PRKCH: variants seen among roughly 807,000 people sequenced by gnomAD.
PRKCH encodes protein kinase C eta, also known as protein kinase C eta type.
A neutral mutation model predicts 82.5 loss-of-function variants in PRKCH; 28 were observed. That is an observed-to-expected ratio of 0.34 (90% CI 0.25 to 0.47). The LOEUF is 0.47. PRKCH is among the 20% of genes least tolerant of loss of function. The probability of loss-of-function intolerance (pLI) is 1.00; values close to 1 mark genes in which losing one functional copy is unlikely to be tolerated. For missense variants in PRKCH, 705 were observed against 881.8 expected (o/e 0.80, Z 2.54); for synonymous variants, 322 against 327.4 (o/e 0.98, Z 0.18).
At chr14:61,192,634 A>G (rs750346319) in intron 1 of PRKCH, among the ~76,000 whole-genome samples, 5 of 152,212 alleles carry the variant, frequency 3.3e-5, no homozygotes, top group East Asian at 3.8e-4. Context: ...GGGTGCTTTC[A>G]GAAGGGCTTC....
chr14:61,407,685 A>G (rs1409845830), intron 2 of PRKCH, among the ~76,000 whole-genome samples: 6 of 151,956 alleles, frequency 3.9e-5, no homozygotes, highest in African/African-American at 1.2e-4. Context: ...TTTAATTCCT[A>G]CATTCTTGGT....
In PRKCH at chr14:61,280,812, G is replaced by A. The variant is rs768490902; in HGVS notation, c.-19+93144G>A. 3 of 1,563,312 alleles carry A rather than the reference G, an allele frequency of 1.9e-6. No homozygotes were observed. The highest frequency in any genetic ancestry group is 2.6e-6 in the Non-Finnish European group (3 of 1,163,654). On this transcript the variant is annotated intron_variant, in intron 1 of 3. Coordinates refer to the PRKCH transcript ENST00000555185. The surrounding 1 kb of genome is among the most constrained non-coding windows in gnomAD (Gnocchi z 5.0). ...TGTTCTGGTAGAAGTTGGTCAGCTC[G>A]TAGTAGAGGTACACTGGGCCCTGGA...
At chr14:61,370,868 C>A (rs894757442) in intron 1 of PRKCH, among the ~76,000 whole-genome samples, 2 of 151,958 alleles carry the variant, frequency 1.3e-5, no homozygotes, top group Non-Finnish European at 2.9e-5. Flanking sequence ...GTGGATAACA[C>A]CAAACACTGC....
chr14:61,397,875 T>A (rs1189607414), intron 2 of PRKCH, among the ~76,000 whole-genome samples: 1 of 152,142 alleles, frequency 6.6e-6, no homozygotes, highest in Non-Finnish European at 1.5e-5. Flanking sequence ...ATGAACCTAC[T>A]CAAAACCTGC....
intron 1 of PRKCH, among the ~76,000 whole-genome samples, chr14:61,241,828 T>C (rs1488879412): frequency 6.6e-6 from 1 of 152,214 alleles, no homozygotes; most frequent in Non-Finnish European, 1.5e-5. Context: ...GTATCTACTC[T>C]GTGGACTTAG....
chr14:61,532,726 G>A (rs1165121320), intron 12 of PRKCH, among the ~76,000 whole-genome samples: 1 of 152,170 alleles, frequency 6.6e-6, no homozygotes, highest in African/African-American at 2.4e-5. Context: ...TTGGTAACGA[G>A]CAGATACACT....
chr14:61,462,180 C>CT (rs1185187561), intron 9 of PRKCH, among the ~76,000 whole-genome samples: 2 of 152,138 alleles, frequency 1.3e-5, no homozygotes, highest in Non-Finnish European at 2.9e-5. Context: ...TCACTTGAGC[C>CT]TAAGTGTTTG....
intron 10 of PRKCH, among the ~76,000 whole-genome samples, chr14:61,512,928 C>CA (rs150602795): frequency 0.088 from 13,397 of 151,992 alleles, 1,122 homozygotes; most frequent in African/African-American, 0.22. Context: ...GTGATCCTTC[C>CA]ACCTCAGTCT....
At chr14:61,309,249 T>G (rs1235021429) in intron 1 of PRKCH, among the ~76,000 whole-genome samples, 1 of 152,090 alleles carries the variant, frequency 6.6e-6, no homozygotes, top group African/African-American at 2.4e-5. Flanking sequence ...GCCGGTGCAC[T>G]CCAACCTAGC....
chr14:61,371,444 A>G (rs2046363407), intron 1 of PRKCH, among the ~76,000 whole-genome samples: 1 of 152,074 alleles, frequency 6.6e-6, no homozygotes, highest in South Asian at 2.1e-4. Context: ...AGTCTGTGAC[A>G]GTTTCTCAGA....
intron 1 of PRKCH, among the ~76,000 whole-genome samples, chr14:61,191,631 C>T (rs1462989122): frequency 6.6e-6 from 1 of 151,508 alleles, no homozygotes; most frequent in Non-Finnish European, 1.5e-5. Context: ...TGAGATGGAG[C>T]CACTGCACTG....
intron 1 of PRKCH, among the ~76,000 whole-genome samples, chr14:61,387,215 C>T (rs758160758): frequency 3.2e-4 from 48 of 152,144 alleles, no homozygotes; most frequent in Non-Finnish European, 6.6e-4. Flanking sequence ...ATGCTGATAC[C>T]GGGTAGGGAG....
chr14:61,370,286 T>C (rs2140172188), intron 1 of PRKCH, among the ~76,000 whole-genome samples: 1 of 152,248 alleles, frequency 6.6e-6, no homozygotes, highest in Middle Eastern at 3.4e-3. Context: ...ACATAAACAA[T>C]ATACTTTCTT....
intron 1 of PRKCH, among the ~76,000 whole-genome samples, chr14:61,236,793 G>A (rs1174156202): frequency 6.6e-6 from 1 of 151,424 alleles, no homozygotes; most frequent in Non-Finnish European, 1.5e-5. Flanking sequence ...GTGACCTCTG[G>A]TGTCCTCGCT....
intron 1 of PRKCH, among the ~76,000 whole-genome samples, chr14:61,231,165 A>G (rs2044740081): frequency 6.6e-6 from 1 of 152,226 alleles, no homozygotes; most frequent in Non-Finnish European, 1.5e-5. Context: ...GACCTTGGGC[A>G]AGTGTCAACT....
chr14:61,523,345 T>G (rs866440345), intron 10 of PRKCH, among the ~76,000 whole-genome samples: 1 of 152,254 alleles, frequency 6.6e-6, no homozygotes, highest in Non-Finnish European at 1.5e-5. Context: ...TCTTAGAATA[T>G]TTATTGATTC....
chr14:61,457,817 T>C, intron 9 of PRKCH, 138 bp downstream of exon 9: 3 of 1,206,762 alleles, frequency 2.5e-6, no homozygotes, highest in Non-Finnish European at 3.5e-6. Flanking sequence ...TATGGAGGTA[T>C]TGGTGACTTC....
intron 1 of PRKCH, among the ~76,000 whole-genome samples, chr14:61,249,286 C>T (rs1429095437): frequency 1.3e-5 from 2 of 152,146 alleles, no homozygotes; most frequent in Admixed American, 6.5e-5. Flanking sequence ...GTTGCTTCTC[C>T]TCTAACAATT....
intron 1 of PRKCH, among the ~76,000 whole-genome samples, chr14:61,315,189 C>A (rs1209097734): frequency 6.6e-6 from 1 of 152,114 alleles, no homozygotes; most frequent in Non-Finnish European, 1.5e-5. Context: ...ACTTCTAGGA[C>A]CCCTGCCCTG....
Sources: gnomAD v4.1 joint callset for allele counts (sites outside exome capture counted in the v4.1 genomes callset) on GRCh38, gnomAD v4.1.1 for gene constraint, Gnocchi (gnomAD v3.1) non-coding constraint, MANE v1.5 for transcripts, NCBI Gene and HGNC (gene_info 2026-07-23, HGNC 2026-07-21) for gene names.